The following ADCY2 variants were observed in gnomAD, a reference collection of about 807,000 sequenced individuals.
ADCY2 encodes adenylate cyclase type 2.
In ADCY2, 31 loss-of-function variants were observed where a neutral mutation model predicts 125.2. The observed-to-expected ratio is 0.25, with a 90% CI of 0.19 to 0.33. The LOEUF is 0.33. ADCY2 is among the 10% of genes least tolerant of loss of function. The probability of loss-of-function intolerance (pLI) is 1.00; values close to 1 mark genes in which losing one functional copy is unlikely to be tolerated. For missense variants in ADCY2, 904 were observed against 1,418.2 expected, an observed-to-expected ratio of 0.64 and a Z score of 5.82; for synonymous variants, 512 against 548.4, an observed-to-expected ratio of 0.93 and a Z score of 0.93.
At chr5:7,690,468 C>G (rs1479213182) in intron 4 of ADCY2, 1 of 352,848 alleles carries the variant, frequency 2.8e-6, no homozygotes, top group Non-Finnish European at 5.0e-6. Flanking sequence ...TACTGAAGAA[C>G]ACACACTTAG....
In ADCY2 at chr5:7,707,856, G is replaced by C; in HGVS notation, c.1401+18G>C. 6.2e-7 allele frequency: 1 copy of C among 1,611,684 alleles called. No individual in the cohort carries two copies. The highest frequency in any genetic ancestry group is 8.5e-7 in the Non-Finnish European group (1 of 1,178,726). On this transcript the variant is annotated intron_variant, in intron 9 of 24. Coordinates refer to ENST00000338316, the MANE Select transcript of ADCY2 (RefSeq NM_020546.3). ...ACCCCAAGGTCAGTATCATTGTAAAGAGTCTATGATGAAAAGGGAGGAGGA... is the reference window on the plus strand; with the variant it reads ...ACCCCAAGGTCAGTATCATTGTAAACAGTCTATGATGAAAAGGGAGGAGGA...
At chr5:7,617,986 G>A (rs181551701) in intron 3 of ADCY2, among the ~76,000 whole-genome samples, 5 of 152,184 alleles carry the variant, frequency 3.3e-5, no homozygotes, top group Admixed American at 1.3e-4. Context: ...GACTTTATGC[G>A]GAATATTTTG....
intron 2 of ADCY2, among the ~76,000 whole-genome samples, chr5:7,489,038 A>G (rs926387936): frequency 1.3e-5 from 2 of 152,046 alleles, no homozygotes; most frequent in Admixed American, 1.3e-4. Flanking sequence ...CCAGTTTACC[A>G]TTTCTGCAAG....
rs1408184498 is a variant in ADCY2 at position 7,827,098 on chromosome 5, C to T, written c.*227C>T. The T allele has an allele frequency of 2.7e-5, 13 of 478,144 alleles. No homozygotes were observed. The highest frequency in any genetic ancestry group is 6.8e-5 in the East Asian group (2 of 29,232). 29.6% of individuals were successfully genotyped at this position (478,144 alleles called of 1,614,324 possible). A position where few individuals can be genotyped will look rare whatever the true frequency, so the allele number is the denominator to read the frequency against. ...TCCTAAGCAAAAGGGAAAAGGAGCGCGCGTGATAGAAGAAAAGCACTGGGA... is the reference window on the plus strand; with the variant it reads ...TCCTAAGCAAAAGGGAAAAGGAGCGTGCGTGATAGAAGAAAAGCACTGGGA... On this transcript the variant is annotated 3_prime_UTR_variant, in exon 25 of 25. Coordinates refer to ENST00000338316, the MANE Select transcript of ADCY2 (RefSeq NM_020546.3).
chr5:7,523,835 A>G (rs775754395), intron 3 of ADCY2, among the ~76,000 whole-genome samples: 2 of 152,240 alleles, frequency 1.3e-5, no homozygotes, highest in Non-Finnish European at 2.9e-5. Context: ...GATATGAAGA[A>G]AGAGGTTGCC....
chr5:7,674,348 C>A (rs773480944), intron 4 of ADCY2, among the ~76,000 whole-genome samples: 2 of 152,070 alleles, frequency 1.3e-5, no homozygotes, highest in East Asian at 3.9e-4. Flanking sequence ...TGCTTTGAGG[C>A]GGGCAGAGGG....
At chr5:7,474,315 C>T (rs975247394) in intron 2 of ADCY2, among the ~76,000 whole-genome samples, 1 of 152,062 alleles carries the variant, frequency 6.6e-6, no homozygotes, top group Non-Finnish European at 1.5e-5. Flanking sequence ...CAGACTTGGC[C>T]CTGCTTTATG....
At chr5:7,681,255 G>T (rs560071745) in intron 4 of ADCY2, among the ~76,000 whole-genome samples, 1 of 152,214 alleles carries the variant, frequency 6.6e-6, no homozygotes, top group African/African-American at 2.4e-5. Context: ...TTCCTGAAAA[G>T]TTGTTATGCA....
chr5:7,488,603 G>A lies in ADCY2; in HGVS notation c.409-32135G>A, dbSNP rs547683766. On this transcript the variant is annotated intron_variant, in intron 2 of 24. Transcript: ENST00000338316. ...TGTATCAAGGCTGCATTGCATAGTG[G>A]CTTTTCTTTTGTCTGCTCATTTTTT... Among the ~76,000 whole-genome samples, 4 of 152,220 alleles carry A rather than the reference G, an allele frequency of 2.6e-5. No homozygotes were observed. The South Asian group carries it at 8.3e-4, about 32-fold the overall frequency.
intron 2 of ADCY2, among the ~76,000 whole-genome samples, chr5:7,453,098 GTTTAGTTAGCTCCCATTTA>G (rs1741533925): frequency 6.6e-6 from 1 of 152,074 alleles, no homozygotes; most frequent in Admixed American, 6.5e-5. Flanking sequence ...AGGCTTTTTA[GTTTAGTTAGCTCCCATTTA>G]TTTATTTTTG....
chr5:7,802,733 CAA>C lies in ADCY2; in HGVS notation c.2775+370_2775+371del, dbSNP rs1744636800. Among the ~76,000 whole-genome samples the C allele has an allele frequency of 1.3e-5, 2 of 152,184 alleles. No individual in the cohort carries two copies. Among genetic ancestry groups the C allele is most frequent in the Non-Finnish European group, 2.9e-5 (2 of 68,038 alleles). Reference sequence around the variant, plus strand: ...ACTATTGGTGTGTCTGTGCCTACTTCAATGCCTTTGTCAGATATCAACTTGCA... The same window carrying C: ...ACTATTGGTGTGTCTGTGCCTACTTCTGCCTTTGTCAGATATCAACTTGCA... On this transcript the variant is annotated intron_variant, in intron 21 of 24. Transcript: ENST00000338316. The surrounding 1 kb of genome is among the most constrained non-coding windows in gnomAD (Gnocchi z 4.6).
At chr5:7,707,486 T>C (rs1215405709) in intron 8 of ADCY2, among the ~76,000 whole-genome samples, 3 of 152,232 alleles carry the variant, frequency 2.0e-5, no homozygotes, top group Non-Finnish European at 2.9e-5. Context: ...ACACCCACCA[T>C]GCAGGTTTCG....
rs148958937 is a variant in ADCY2 at position 7,799,372 on chromosome 5, G to C, written c.2629-2846G>C. 2.8e-3 allele frequency: 433 copies of C among 152,370 alleles called. 4 individuals are homozygous for C. The highest frequency in any genetic ancestry group is 9.9e-3 in the African/African-American group (411 of 41,572). 9.4% of individuals were successfully genotyped at this position (152,370 alleles called of 1,614,324 possible). A position where few individuals can be genotyped will look rare whatever the true frequency, so the allele number is the denominator to read the frequency against. On this transcript the variant is annotated intron_variant, in intron 20 of 24. Coordinates refer to ENST00000338316, the MANE Select transcript of ADCY2 (RefSeq NM_020546.3). ...CAGTGCATGGTTCTCAGCCCTCCAA[G>C]TTTCACAGGCTCCAGAGAATTTCAG...
At chr5:7,490,569 G>A (rs940838642) in intron 2 of ADCY2, among the ~76,000 whole-genome samples, 1 of 152,192 alleles carries the variant, frequency 6.6e-6, no homozygotes, top group East Asian at 1.9e-4. Flanking sequence ...AAAAATAAAT[G>A]TAAAGAATAG....
chr5:7,817,238 C>T lies in ADCY2; in HGVS notation c.2998+258C>T, dbSNP rs1561037184. The stretch of plus-strand genomic sequence containing the variant: ...GCACGCACAGCCTTGAGCCATCCTG[C>T]GTTGCTGATTCACTGTGAGACATCC... On this transcript the variant is annotated intron_variant, in intron 23 of 24. Transcript: ENST00000338316. Among the ~76,000 whole-genome samples, 3 of 152,090 alleles carry T rather than the reference C, an allele frequency of 2.0e-5. 1 individual carries two copies. Among genetic ancestry groups the T allele is most frequent in the Non-Finnish European group, 4.4e-5 (3 of 68,020 alleles).
At chr5:7,616,942 A>G (rs1737784053) in intron 3 of ADCY2, among the ~76,000 whole-genome samples, 1 of 152,082 alleles carries the variant, frequency 6.6e-6, no homozygotes, top group South Asian at 2.1e-4. Context: ...GCTCACAGAG[A>G]AGAGACCCTG....
At chr5:7,759,424 T>G (rs1017567265) in intron 16 of ADCY2, among the ~76,000 whole-genome samples, 2 of 152,176 alleles carry the variant, frequency 1.3e-5, no homozygotes, top group Non-Finnish European at 2.9e-5. Context: ...ACCAGGCAAG[T>G]CCATGCAGGC....
At chr5:7,693,234 G>C (rs1740762882) in intron 5 of ADCY2, among the ~76,000 whole-genome samples, 1 of 151,974 alleles carries the variant, frequency 6.6e-6, no homozygotes, top group African/African-American at 2.4e-5. Flanking sequence ...CAAGGATATA[G>C]TTCTAACTGA....
At chr5:7,475,049 G>C (rs1275713042) in intron 2 of ADCY2, among the ~76,000 whole-genome samples, 1 of 152,188 alleles carries the variant, frequency 6.6e-6, no homozygotes, top group East Asian at 1.9e-4. Context: ...GACCCAGCAG[G>C]GGGAGTCCTC....
Sources: allele counts gnomAD v4.1 joint callset (sites outside exome capture counted in the v4.1 genomes callset), GRCh38; gene constraint gnomAD v4.1.1; non-coding constraint Gnocchi (gnomAD v3.1); transcripts MANE v1.5; gene names NCBI Gene and HGNC (gene_info 2026-07-23, HGNC 2026-07-21).